CDH13: variants seen among roughly 807,000 people sequenced by gnomAD.
CDH13 encodes cadherin 13.
Under a neutral mutation model 63.8 loss-of-function variants are expected in CDH13, and 24 were observed. That is an observed-to-expected ratio of 0.38 (90% CI 0.27 to 0.53). The LOEUF is 0.53. CDH13 is among the 20% of genes least tolerant of loss of function. CDH13 has a pLI of 0.85. For missense variants in CDH13, 1,049 were observed against 903.1 expected, an observed-to-expected ratio of 1.16 and a Z score of -2.07; for synonymous variants, 503 against 355.3, an observed-to-expected ratio of 1.42 and a Z score of -4.67.
At chr16:82,695,315 T>C (rs1431672558) in intron 1 of CDH13, among the ~76,000 whole-genome samples, 1 of 152,238 alleles carries the variant, frequency 6.6e-6, no homozygotes, top group Non-Finnish European at 1.5e-5. Flanking sequence ...ATAAATTATT[T>C]GAAAGCAAAT....
intron 6 of CDH13, among the ~76,000 whole-genome samples, chr16:83,417,552 C>T (rs17287025): frequency 0.063 from 9,618 of 152,186 alleles, 329 homozygotes; most frequent in African/African-American, 0.074. Context: ...CATTTGGAAA[C>T]GAAAATAGAA....
Position 83,344,979 on chromosome 16 carries a change from G to T in CDH13, c.754G>T (p.Gly252Cys). 1 of 1,613,882 alleles carries T rather than the reference G, an allele frequency of 6.2e-7. No homozygotes were observed. The highest frequency in any genetic ancestry group is 8.5e-7 in the Non-Finnish European group (1 of 1,179,824). Reference protein sequence around the residue: ...RPIFREGPYIGHVMEGSPTGT... With the variant: ...RPIFREGPYICHVMEGSPTGT... Reference sequence around the variant, plus strand: ...GATCTTTCGGGAAGGCCCCTACATCGGCCACGTCATGGAAGGGTCACCCAC... The same window carrying T: ...GATCTTTCGGGAAGGCCCCTACATCTGCCACGTCATGGAAGGGTCACCCAC... Residue 252 changes from glycine (G) to cysteine (C), a missense_variant, in exon 6 of 14, where the codon GGC (glycine) becomes TGC (cysteine). Coordinates refer to ENST00000567109, the MANE Select transcript of CDH13 (RefSeq NM_001257.5).
chr16:82,798,331 T>G (rs1829894365), intron 1 of CDH13, among the ~76,000 whole-genome samples: 1 of 152,178 alleles, frequency 6.6e-6, no homozygotes, highest in Non-Finnish European at 1.5e-5. Context: ...TCTGTCTGAT[T>G]TCAGAGCTCT....
intron 1 of CDH13, among the ~76,000 whole-genome samples, chr16:82,835,947 A>G (rs2549138): frequency 1.3e-5 from 2 of 152,102 alleles, no homozygotes; most frequent in Non-Finnish European, 2.9e-5. Flanking sequence ...AGGCTCCTCA[A>G]GTAGCAAAGT....
intron 2 of CDH13, among the ~76,000 whole-genome samples, chr16:82,893,744 C>T (rs1164038955): frequency 1.3e-5 from 2 of 152,188 alleles, no homozygotes; most frequent in African/African-American, 4.8e-5. Context: ...CACCTATTAG[C>T]TCGCTTACGT....
chr16:82,987,308 C>G (rs1911063994), intron 2 of CDH13, among the ~76,000 whole-genome samples: 1 of 152,178 alleles, frequency 6.6e-6, no homozygotes, highest in Admixed American at 6.5e-5. Context: ...GGGCAGAGAT[C>G]TTATGATATG....
In CDH13 at chr16:83,057,067, A is replaced by C. The variant is rs148225534; in HGVS notation, c.366+24849A>C. Among the ~76,000 whole-genome samples, 385 of 152,220 alleles carry C rather than the reference A, an allele frequency of 2.5e-3. 10 individuals carry two copies. The East Asian group carries it at 0.062, about 25-fold the overall frequency. ...CTGCAACCTCTGACTCCCTGGTTCA[A>C]GTGATTCTCCTGCCTCAGCCTCCTA... On this transcript the variant is annotated intron_variant, in intron 3 of 13. Transcript: ENST00000567109.
At chr16:83,759,322 C>G (rs748369438) in intron 11 of CDH13, among the ~76,000 whole-genome samples, 1 of 152,060 alleles carries the variant, frequency 6.6e-6, no homozygotes, top group East Asian at 1.9e-4. Context: ...ATAAATAAGG[C>G]CAAGTTGATT....
At chr16:83,253,768 C>T (rs1222815677) in intron 5 of CDH13, among the ~76,000 whole-genome samples, 2 of 152,182 alleles carry the variant, frequency 1.3e-5, no homozygotes, top group Non-Finnish European at 2.9e-5. Flanking sequence ...CCATTATTTT[C>T]ACTTAGATTT....
intron 6 of CDH13, among the ~76,000 whole-genome samples, chr16:83,474,304 G>A (rs1398943274): frequency 1.3e-5 from 2 of 152,096 alleles, no homozygotes; most frequent in African/African-American, 4.8e-5. Flanking sequence ...TACAGATAAG[G>A]AAATTGAGCC....
chr16:83,511,043 C>A (rs528604907), intron 7 of CDH13, among the ~76,000 whole-genome samples: 79 of 139,492 alleles, frequency 5.7e-4, no homozygotes, highest in African/African-American at 2.1e-3. Flanking sequence ...CACGCATGCA[C>A]ACGTGTGTGC....
At chr16:83,715,198 A>G (rs150459139) in intron 10 of CDH13, among the ~76,000 whole-genome samples, 8 of 152,330 alleles carry the variant, frequency 5.3e-5, no homozygotes, top group Non-Finnish European at 1.0e-4. Flanking sequence ...GCTCTGTGTA[A>G]TAATCACTTG....
intron 1 of CDH13, among the ~76,000 whole-genome samples, chr16:82,790,897 A>T (rs1200486587): frequency 6.6e-6 from 1 of 152,148 alleles, no homozygotes; most frequent in Non-Finnish European, 1.5e-5. Flanking sequence ...ACATATGTGG[A>T]TTGTGGGTGA....
chr16:83,054,075 C>T (rs551040711), intron 3 of CDH13, among the ~76,000 whole-genome samples: 10 of 152,216 alleles, frequency 6.6e-5, no homozygotes, highest in East Asian at 5.8e-4. Flanking sequence ...ACATACTGTA[C>T]GGGTTTATAG....
chr16:83,550,394 G>A (rs1238892657), intron 7 of CDH13, among the ~76,000 whole-genome samples: 1 of 152,246 alleles, frequency 6.6e-6, no homozygotes, highest in African/African-American at 2.4e-5. Flanking sequence ...CCTGTGAGGA[G>A]TGACAGAGGT....
intron 2 of CDH13, among the ~76,000 whole-genome samples, chr16:82,900,712 A>G (rs1248792752): frequency 2.0e-5 from 3 of 152,136 alleles, no homozygotes; most frequent in Admixed American, 2.0e-4. Flanking sequence ...ATAGGTCAAG[A>G]GGCGAGCCTG....
At chr16:83,713,923 G>T (rs1458915270) in intron 10 of CDH13, among the ~76,000 whole-genome samples, 1 of 152,196 alleles carries the variant, frequency 6.6e-6, no homozygotes, top group Non-Finnish European at 1.5e-5. Flanking sequence ...AAGGCCAGCA[G>T]TAGCTCTGGG....
At chr16:83,306,999 A>G (rs1287762936) in intron 5 of CDH13, among the ~76,000 whole-genome samples, 3 of 152,236 alleles carry the variant, frequency 2.0e-5, no homozygotes, top group Non-Finnish European at 2.9e-5. Flanking sequence ...ATACATGAGA[A>G]TAGTGGAACA....
intron 1 of CDH13, among the ~76,000 whole-genome samples, chr16:82,749,644 C>T (rs1255312773): frequency 6.6e-6 from 1 of 152,200 alleles, no homozygotes; most frequent in African/African-American, 2.4e-5. Context: ...GTCCCTACTT[C>T]TGAGTTTCCA....
Sources: gnomAD v4.1 joint callset for allele counts (sites outside exome capture counted in the v4.1 genomes callset) on GRCh38, gnomAD v4.1.1 for gene constraint, MANE v1.5 for transcripts, NCBI Gene and HGNC (gene_info 2026-07-23, HGNC 2026-07-21) for gene names.